Variants in PRR5L observed in about 807,000 individuals in gnomAD.
The protein encoded by PRR5L is proline rich 5 like, also known as proline-rich protein 5-like.
A neutral mutation model predicts 36.4 loss-of-function variants in PRR5L; 21 were observed. The ratio of observed to expected loss-of-function variants is 0.58; its 90% CI spans 0.41 to 0.83. The LOEUF (loss-of-function observed/expected upper bound fraction) is 0.83. Ranked by LOEUF, PRR5L falls within the 40% of genes least tolerant of loss-of-function variation. PRR5L has a pLI of 0.00. For synonymous variants in PRR5L, 188 were observed against 197.0 expected (o/e 0.95, Z 0.38); for missense variants, 381 against 473.3 (o/e 0.80, Z 1.81).
intron 4 of PRR5L, 129 bp downstream of exon 4, chr11:36,419,432 G>T: frequency 8.5e-6 from 7 of 823,060 alleles, no homozygotes; most frequent in Non-Finnish European, 1.5e-5. Flanking sequence ...AGTCCCTGCT[G>T]TGTGCTGCAC....
At chr11:36,409,024 G>A (rs1043133082) in intron 3 of PRR5L, among the ~76,000 whole-genome samples, 1 of 152,178 alleles carries the variant, frequency 6.6e-6, no homozygotes, top group African/African-American at 2.4e-5. Context: ...TCTTACAGCA[G>A]AATGAGAGAG....
intron 1 of PRR5L, among the ~76,000 whole-genome samples, chr11:36,301,943 T>A (rs965216342): frequency 6.6e-5 from 10 of 152,200 alleles, no homozygotes; most frequent in Non-Finnish European, 1.3e-4. Flanking sequence ...AATATCATGA[T>A]GTCTGTAATT....
intron 3 of PRR5L, among the ~76,000 whole-genome samples, chr11:36,410,633 GT>G (rs1858005849): frequency 6.6e-6 from 1 of 152,200 alleles, no homozygotes; most frequent in South Asian, 2.1e-4. Context: ...CTCTTCGTCA[GT>G]TTCCTCCATG....
At chr11:36,410,437 G>C (rs1265466945) in intron 3 of PRR5L, among the ~76,000 whole-genome samples, 1 of 152,128 alleles carries the variant, frequency 6.6e-6, no homozygotes, top group Non-Finnish European at 1.5e-5. Context: ...GGGTACCACT[G>C]CCTGATTAGG....
intron 4 of PRR5L, among the ~76,000 whole-genome samples, chr11:36,422,762 C>T (rs913339197): frequency 1.3e-5 from 2 of 152,154 alleles, no homozygotes; most frequent in South Asian, 4.1e-4. Flanking sequence ...CCCAGCTACA[C>T]GTCCATAAGG....
chr11:36,311,253 AC>A (rs1565378924), intron 1 of PRR5L, among the ~76,000 whole-genome samples: 2 of 152,250 alleles, frequency 1.3e-5, no homozygotes, highest in South Asian at 2.1e-4. Context: ...TTTAGTAAAA[AC>A]CTTAAAGAGG....
intron 1 of PRR5L, among the ~76,000 whole-genome samples, chr11:36,355,761 C>T (rs554282534): frequency 6.6e-6 from 1 of 151,762 alleles, no homozygotes; most frequent in African/African-American, 2.4e-5. Context: ...TAGGGTTTCA[C>T]CATGTTGGCC....
intron 1 of PRR5L, among the ~76,000 whole-genome samples, chr11:36,316,068 C>A (rs899623775): frequency 6.6e-6 from 1 of 152,118 alleles, no homozygotes; most frequent in Non-Finnish European, 1.5e-5. Context: ...AGGGGATTGA[C>A]TGAGGGGAAG....
At chr11:36,369,642 C>G (rs1857178354) in intron 1 of PRR5L, among the ~76,000 whole-genome samples, 1 of 152,176 alleles carries the variant, frequency 6.6e-6, no homozygotes, top group East Asian at 1.9e-4. Flanking sequence ...GTCACCCAGG[C>G]TGGAGTGCAG....
At chr11:36,367,190 C>T (rs569257006) in intron 1 of PRR5L, among the ~76,000 whole-genome samples, 2 of 152,156 alleles carry the variant, frequency 1.3e-5, no homozygotes, top group Non-Finnish European at 2.9e-5. Flanking sequence ...CAGTAATACA[C>T]ATCAGAATGT....
chr11:36,385,109 G>A (rs2133533570), intron 1 of PRR5L, among the ~76,000 whole-genome samples: 1 of 152,332 alleles, frequency 6.6e-6, no homozygotes, highest in African/African-American at 2.4e-5. Flanking sequence ...CTGCCAGACT[G>A]TAGCTTTTGA....
chr11:36,351,161 A>AATATATATTTATAAATATATGTAT (rs1856937487), intron 1 of PRR5L, among the ~76,000 whole-genome samples: 43 of 41,570 alleles, frequency 1.0e-3, no homozygotes, highest in Admixed American at 1.4e-3. Flanking sequence ...AATATATATA[A>AATATATATTTATAAATATATGTAT]TTTATATATA....
intron 1 of PRR5L, among the ~76,000 whole-genome samples, chr11:36,299,019 C>T (rs539744845): frequency 6.6e-6 from 1 of 152,138 alleles, no homozygotes; most frequent in Non-Finnish European, 1.5e-5. Context: ...ATTCTAAGGT[C>T]CTGGGGGTTA....
At chr11:36,375,818 A>C (rs113944569) in intron 1 of PRR5L, among the ~76,000 whole-genome samples, 1 of 152,226 alleles carries the variant, frequency 6.6e-6, no homozygotes, top group Non-Finnish European at 1.5e-5. Flanking sequence ...TTAGAAAATG[A>C]GTTTGGGAGC....
At chr11:36,417,248 T>G (rs527764574) in intron 3 of PRR5L, among the ~76,000 whole-genome samples, 1 of 152,188 alleles carries the variant, frequency 6.6e-6, no homozygotes, top group Non-Finnish European at 1.5e-5. Flanking sequence ...AAGCTTGGCT[T>G]CTTCACCTAT....
In PRR5L at chr11:36,392,183, T is replaced by C. The variant is rs181638200; in HGVS notation, c.-125-8814T>C. Among the ~76,000 whole-genome samples, 728 of 152,346 alleles carry C rather than the reference T, an allele frequency of 4.8e-3. 10 individuals are homozygous for C. Among genetic ancestry groups the C allele is most frequent in the African/African-American group, 0.016 (680 of 41,576 alleles). On this transcript the variant is annotated intron_variant, in intron 1 of 8. Transcript: ENST00000530639. Reference sequence around the variant, plus strand: ...TATGGATGAAGAGTACTCCATTATGTACATGTACCACATTTTCTTCATCCA... The same window carrying C: ...TATGGATGAAGAGTACTCCATTATGCACATGTACCACATTTTCTTCATCCA...
intron 1 of PRR5L, among the ~76,000 whole-genome samples, chr11:36,331,827 G>A (rs545973862): frequency 1.3e-5 from 2 of 152,290 alleles, no homozygotes; most frequent in Middle Eastern, 3.4e-3. Context: ...GATTCAAAGA[G>A]GTGGTTATAA....
At chr11:36,389,735 C>T (rs970497748) in intron 1 of PRR5L, among the ~76,000 whole-genome samples, 2 of 151,994 alleles carry the variant, frequency 1.3e-5, no homozygotes, top group South Asian at 2.1e-4. Context: ...GCCTCAGCCC[C>T]CTGAGTAGCT....
chr11:36,422,817 C>T (rs1458534422), intron 4 of PRR5L, among the ~76,000 whole-genome samples: 1 of 152,134 alleles, frequency 6.6e-6, no homozygotes, highest in Admixed American at 6.5e-5. Flanking sequence ...TGATTTTTTT[C>T]CCTTTCCCTC....
Sources: gnomAD v4.1 joint callset for allele counts (sites outside exome capture counted in the v4.1 genomes callset) on GRCh38, gnomAD v4.1.1 for gene constraint, MANE v1.5 for transcripts, NCBI Gene and HGNC (gene_info 2026-07-23, HGNC 2026-07-21) for gene names.